The following UGP2 variants were observed in gnomAD, a reference collection of about 807,000 sequenced individuals.
UGP2 encodes the protein UDP-glucose pyrophosphorylase 2.
UGP2 carries 40 observed loss-of-function variants against 49.0 expected under a neutral mutation model. The ratio of observed to expected loss-of-function variants is 0.82; its 90% CI spans 0.63 to 1.06. UGP2 has a LOEUF of 1.06. UGP2 is among the 50% of genes least tolerant of loss of function. The pLI, the probability that UGP2 is intolerant of heterozygous loss-of-function variation, is 0.00. For missense variants in UGP2, 460 were observed against 603.5 expected (o/e 0.76, Z 2.49); for synonymous variants, 225 against 213.0 (o/e 1.06, Z -0.49).
chr2:63,842,677 T>A, intron 1 of UGP2: 1 of 1,323,778 alleles, frequency 7.6e-7, no homozygotes, highest in Non-Finnish European at 9.8e-7. Flanking sequence ...GGTTTGCGTC[T>A]CAGATTCACT....
chr2:63,870,350 G>T (rs1367430860), intron 3 of UGP2, among the ~76,000 whole-genome samples: 1 of 152,132 alleles, frequency 6.6e-6, no homozygotes, highest in Non-Finnish European at 1.5e-5. Flanking sequence ...ACTTTCTTAG[G>T]AAATTTGCTT....
chr2:63,868,706 G>A (rs985953874), intron 3 of UGP2, among the ~76,000 whole-genome samples: 1 of 152,126 alleles, frequency 6.6e-6, no homozygotes, highest in South Asian at 2.1e-4. Flanking sequence ...GCTCACACCT[G>A]TAATCCCAGC....
chr2:63,887,108 AC>A (rs1226990928), intron 7 of UGP2, among the ~76,000 whole-genome samples: 2 of 152,086 alleles, frequency 1.3e-5, no homozygotes. Flanking sequence ...TACTAAAAAT[AC>A]AAAAAACTAG....
At chr2:63,869,391 G>C (rs1670393172) in intron 3 of UGP2, among the ~76,000 whole-genome samples, 1 of 152,016 alleles carries the variant, frequency 6.6e-6, no homozygotes, top group Non-Finnish European at 1.5e-5. Context: ...ATTTTTCTTT[G>C]ATTTTTATTT....
intron 1 of UGP2, among the ~76,000 whole-genome samples, chr2:63,845,763 A>G (rs1443393029): frequency 6.6e-6 from 1 of 152,152 alleles, no homozygotes; most frequent in Non-Finnish European, 1.5e-5. Flanking sequence ...AGTGTTGTGT[A>G]CACCTGTTTT....
intron 3 of UGP2, 113 bp downstream of exon 3, chr2:63,858,049 A>G: frequency 1.1e-6 from 1 of 952,178 alleles, no homozygotes; most frequent in Non-Finnish European, 1.6e-6. Flanking sequence ...ACAAGACAGG[A>G]CTTGCTTTGA....
intron 6 of UGP2, 124 bp downstream of exon 6, chr2:63,886,010 A>G: frequency 2.7e-6 from 3 of 1,116,334 alleles, no homozygotes; most frequent in Non-Finnish European, 1.2e-6. Context: ...TCTGTTTGAC[A>G]TAATAGTATG....
In UGP2 at chr2:63,886,390, C is replaced by T. The variant is rs1365055593; in HGVS notation, c.923C>T (p.Ala308Val). The change falls in exon 7 of 10, where the codon GCT (alanine) becomes GTT (valine). Residue 308 changes from alanine (A) to valine (V), a missense_variant. Physicochemically the swap from Ala to Val is moderately conservative, Grantham distance 64. Transcript: ENST00000337130. Reference sequence around the variant, plus strand: ...GGCAAACTGAGACTGGTGGAAATTGCTCAAGTGCCAAAAGCACATGTAGAC... The same window carrying T: ...GGCAAACTGAGACTGGTGGAAATTGTTCAAGTGCCAAAAGCACATGTAGAC... ...YEGKLRLVEI[A>V]QVPKAHVDEF... is the part of the protein sequence containing the mutation. 3.1e-6 allele frequency: 5 copies of T among 1,614,078 alleles called. No individual in the cohort carries two copies. Among genetic ancestry groups the T allele is most frequent in the Admixed American group, 3.3e-5 (2 of 59,992 alleles).
At chr2:63,881,786 T>C (rs1485606535) in intron 3 of UGP2, among the ~76,000 whole-genome samples, 1 of 152,228 alleles carries the variant, frequency 6.6e-6, no homozygotes, top group Non-Finnish European at 1.5e-5. Context: ...TCTTGCCCTT[T>C]CCCTCCCTTC....
At chr2:63,842,458 C>T (rs772000336) in intron 1 of UGP2, 1 of 1,544,444 alleles carries the variant, frequency 6.5e-7, no homozygotes, top group Non-Finnish European at 8.7e-7. Context: ...CCGTCGCTTT[C>T]CTGGATAGTG....
In UGP2 at chr2:63,842,077, GA is replaced by G; in HGVS notation, c.-106del. On this transcript the variant is annotated 5_prime_UTR_variant, in exon 1 of 10. Coordinates refer to ENST00000337130, the MANE Select transcript of UGP2 (RefSeq NM_006759.4). Reference sequence around the variant, plus strand: ...CCTTAAGTAGTTAAATATAGGAGGAGAAAGAATACATCGGTTGTTAAAGCAG... The same window carrying G: ...CCTTAAGTAGTTAAATATAGGAGGAGAAGAATACATCGGTTGTTAAAGCAG... The G allele has an allele frequency of 7.4e-7, 1 of 1,359,190 alleles. No individual in the cohort carries two copies. Among genetic ancestry groups the G allele is most frequent in the Non-Finnish European group, 9.9e-7 (1 of 1,005,846 alleles). 84.2% of individuals were successfully genotyped at this position (1,359,190 alleles called of 1,614,324 possible).
chr2:63,890,055 T>C lies in UGP2; in HGVS notation c.1315-26T>C, dbSNP rs747687175. The C allele has an allele frequency of 1.2e-5, 18 of 1,561,792 alleles. No homozygotes were observed. In the South Asian group the frequency reaches 2.0e-4, roughly 17 times the overall value. On this transcript the variant is annotated intron_variant, in intron 8 of 9. Transcript: ENST00000337130. ...TTTCTTTGAACCCATTTGAGACAAATTTTTATGTTTCTCCTTTTCTGTAAG... is the reference window on the plus strand; with the variant it reads ...TTTCTTTGAACCCATTTGAGACAAACTTTTATGTTTCTCCTTTTCTGTAAG...
At position 63,856,315 on chromosome 2, in the gene UGP2, A is replaced by C. The variant is rs1276500050; in HGVS notation, c.29A>C (p.Lys10Thr). The C allele has an allele frequency of 6.2e-7, 1 of 1,612,776 alleles. No individual in the cohort carries two copies. The change falls in exon 2 of 10, where the codon AAA becomes ACA. Residue 10 changes from lysine to threonine, a missense_variant. By Grantham distance (78) the Lys-to-Thr change is moderately conservative (BLOSUM62 -1). Coordinates refer to ENST00000337130, the MANE Select transcript of UGP2 (RefSeq NM_006759.4). MSRFVQDLS[K>T]AMSQDGASQF... ...ATGTTTTTGTTTTAAGATCTTAGCA[A>C]AGCAATGTCTCAAGATGGTGCTTCT...
chr2:63,865,803 G>A (rs920552897), intron 3 of UGP2, among the ~76,000 whole-genome samples: 1 of 152,004 alleles, frequency 6.6e-6, no homozygotes, highest in Non-Finnish European at 1.5e-5. Flanking sequence ...CCAAAGTGCT[G>A]GGATTGTAGG....
chr2:63,875,455 CTG>C (rs1460934406), intron 3 of UGP2, among the ~76,000 whole-genome samples: 1 of 152,186 alleles, frequency 6.6e-6, no homozygotes, highest in Admixed American at 6.5e-5. Context: ...GTGTCTATGA[CTG>C]TGTGATGAAT....
In UGP2 at chr2:63,891,329, C is replaced by A. The variant is rs1672139792; in HGVS notation, c.*102C>A. On this transcript the variant is annotated 3_prime_UTR_variant, in exon 10 of 10. Transcript: ENST00000337130. ...CAGGTACTTTACTATGTTACTGTAC[C>A]CTGCAGTGTTGATTTTTAAAATAGA... is the stretch of plus-strand genomic sequence containing the variant. 2.3e-6 allele frequency: 2 copies of A among 868,074 alleles called. No homozygotes were observed. Among genetic ancestry groups the A allele is most frequent in the African/African-American group, 1.7e-5 (1 of 57,340 alleles). The allele number at this position is 868,074 out of a possible 1,614,324, so 53.8% of individuals were successfully genotyped here.
intron 1 of UGP2, among the ~76,000 whole-genome samples, chr2:63,846,806 G>C (rs1352673664): frequency 6.6e-6 from 1 of 152,190 alleles, no homozygotes; most frequent in Non-Finnish European, 1.5e-5. Flanking sequence ...TTTTAGCACA[G>C]GGATAGTGGC....
At chr2:63,879,026 T>A (rs999771003) in intron 3 of UGP2, among the ~76,000 whole-genome samples, 1 of 151,594 alleles carries the variant, frequency 6.6e-6, no homozygotes, top group African/African-American at 2.4e-5. Flanking sequence ...AAAAAGTTCC[T>A]GTTAGTACTT....
At chr2:63,868,278 ATTAAG>A (rs1341934890) in intron 3 of UGP2, among the ~76,000 whole-genome samples, 2 of 152,232 alleles carry the variant, frequency 1.3e-5, no homozygotes, top group Non-Finnish European at 2.9e-5. Flanking sequence ...TGTCCTTGGC[ATTAAG>A]TTGTCAAAAT....
Sources: gnomAD v4.1 joint callset for allele counts (sites outside exome capture counted in the v4.1 genomes callset) on GRCh38, gnomAD v4.1.1 for gene constraint, MANE v1.5 for transcripts, NCBI Gene and HGNC (gene_info 2026-07-23, HGNC 2026-07-21) for gene names.